SVOP: variants seen among roughly 807,000 people sequenced by gnomAD.
SVOP encodes the protein synaptic vesicle 2-related protein.
SVOP carries 17 observed loss-of-function variants against 69.1 expected under a neutral mutation model. The observed-to-expected ratio is 0.25, with a 90% CI of 0.17 to 0.37. SVOP has a LOEUF of 0.37. Among genes scored for constraint, SVOP ranks in the 10% least tolerant of loss-of-function variants. The pLI is 1.00. For synonymous variants in SVOP, 238 were observed against 238.6 expected (o/e 1.00, Z 0.02); for missense variants, 435 against 597.5 (o/e 0.73, Z 2.84).
chr12:108,925,057 C>G (rs4964284), intron 11 of SVOP, among the ~76,000 whole-genome samples: 42,844 of 151,752 alleles, frequency 0.28, 7,249 homozygotes, highest in Admixed American at 0.49. Flanking sequence ...ATCTCTAAGT[C>G]CACCTGTAAG....
At chr12:108,958,364 T>G (rs1593190940) in intron 6 of SVOP, among the ~76,000 whole-genome samples, 1 of 152,082 alleles carries the variant, frequency 6.6e-6, no homozygotes, top group East Asian at 1.9e-4. Flanking sequence ...CTAAATGTGT[T>G]TAGAGATGCA....
At chr12:108,917,100 G>A (rs1194270689) in intron 14 of SVOP, among the ~76,000 whole-genome samples, 1 of 152,152 alleles carries the variant, frequency 6.6e-6, no homozygotes, top group South Asian at 2.1e-4. Context: ...TCCACTCTGG[G>A]GGTTCCCTGT....
In SVOP at chr12:108,910,521, C is replaced by T. The variant is rs2039675570; in HGVS notation, c.*2014G>A. 3 of 152,216 alleles carry T rather than the reference C, an allele frequency of 2.0e-5. No homozygotes were observed. Among genetic ancestry groups the T allele is most frequent in the Admixed American group, 6.5e-5 (1 of 15,278 alleles). The allele number at this position is 152,216 out of a possible 1,614,324, so 9.4% of individuals were successfully genotyped here. A position where few individuals can be genotyped will look rare whatever the true frequency, so the allele number is the denominator to read the frequency against. On this transcript the variant is annotated 3_prime_UTR_variant, in exon 16 of 16. Transcript: ENST00000610966. ...AGAAATAATTAGAGCTACAGCCACA[C>T]GTGGTTCAAGGAAATGTGGTTGTCA...
chr12:108,960,907 C>A lies in SVOP; in HGVS notation c.578+16G>T. 6.5e-7 allele frequency: 1 copy of A among 1,536,500 alleles called. No homozygotes were observed. The highest frequency in any genetic ancestry group is 8.7e-7 in the Non-Finnish European group (1 of 1,146,470). On this transcript the variant is annotated intron_variant, in intron 6 of 15. Transcript: ENST00000610966. ...GGGCAGCCTGGCTGCATAGCCAGCA[C>A]TGGGTATTTACTTACGACTGGGGAA...
chr12:109,001,048 CA>C (rs912930819), intron 1 of SVOP, among the ~76,000 whole-genome samples: 4 of 150,414 alleles, frequency 2.7e-5, no homozygotes, highest in African/African-American at 4.9e-5. Context: ...GACATGATTG[CA>C]TATCTAGAAA....
rs751944734 is a variant in SVOP, at chr12:108,987,145, T to C, written c.36-3384A>G. Among the ~76,000 whole-genome samples the C allele has an allele frequency of 5.3e-5, 8 of 152,228 alleles. No homozygotes were observed. In the South Asian group the frequency reaches 1.7e-3, roughly 32 times the overall value. On this transcript the variant is annotated intron_variant, in intron 1 of 15. Transcript: ENST00000610966. ...CTGACGAGCACCAATCTACTTTCTG[T>C]CTCTATGAATTTGACTCCTCTAGGG...
At chr12:108,959,680 C>A (rs1024428686) in intron 6 of SVOP, among the ~76,000 whole-genome samples, 1 of 152,116 alleles carries the variant, frequency 6.6e-6, no homozygotes, top group African/African-American at 2.4e-5. Context: ...TCTCATCCCT[C>A]CAAGCTGACC....
chr12:109,004,810 T>C (rs2040295800), intron 1 of SVOP, among the ~76,000 whole-genome samples: 2 of 152,212 alleles, frequency 1.3e-5, no homozygotes, highest in Admixed American at 1.3e-4. Context: ...CAATTTTGGC[T>C]CACTGCAACC....
chr12:108,921,736 G>A (rs528218247), intron 12 of SVOP, among the ~76,000 whole-genome samples: 33 of 152,266 alleles, frequency 2.2e-4, no homozygotes, highest in African/African-American at 7.7e-4. Flanking sequence ...ATAGTCTTCA[G>A]GCACAGAATC....
intron 1 of SVOP, among the ~76,000 whole-genome samples, chr12:109,014,913 G>A (rs1030502469): frequency 3.9e-5 from 6 of 152,008 alleles, no homozygotes; most frequent in Admixed American, 1.3e-4. Flanking sequence ...TGGTAGAGAC[G>A]GGGTCTTGCT....
Position 109,003,004 on chromosome 12 carries a change from A to AAT in SVOP, c.35+17829_35+17830insAT, listed in dbSNP as rs1400142173. ...AAATAAATAAATAAATAAATAAATA[A>AAT]AAATAAAAATAAAAAAACAAGAAAT... is the stretch of plus-strand genomic sequence containing the variant. On this transcript the variant is annotated intron_variant, in intron 1 of 15. Transcript: ENST00000610966. Among the ~76,000 whole-genome samples the AAT allele has an allele frequency of 6.3e-3, 82 of 13,076 alleles. No individual in the cohort carries two copies. The East Asian group carries it at 0.35, about 56-fold the overall frequency. 8.6% of individuals were successfully genotyped at this position (13,076 alleles called of 152,430 possible). A position where few individuals can be genotyped will look rare whatever the true frequency, so the allele number is the denominator to read the frequency against.
intron 14 of SVOP, 117 bp downstream of exon 14, chr12:108,917,926 A>G: frequency 3.8e-6 from 3 of 794,482 alleles, no homozygotes; most frequent in Non-Finnish European, 5.7e-6. Context: ...GATTATAGGC[A>G]TGAGCTACCG....
intron 1 of SVOP, among the ~76,000 whole-genome samples, chr12:108,997,600 G>A (rs1409856960): frequency 2.0e-5 from 3 of 151,916 alleles, no homozygotes; most frequent in Non-Finnish European, 4.4e-5. Flanking sequence ...CTCCCAGCAC[G>A]CAGCTGGAGA....
chr12:108,977,649 C>T (rs995710783), intron 3 of SVOP, among the ~76,000 whole-genome samples, 153 bp from the exon 4 acceptor site: 35 of 152,270 alleles, frequency 2.3e-4, no homozygotes, highest in Admixed American at 6.5e-4. Context: ...ACTCAAAGCT[C>T]CAGCAGTTAA....
At position 108,945,080 on chromosome 12, in the gene SVOP, AC is replaced by A. The variant is rs946175826; in HGVS notation, c.642+22del. ...CTGCCGGAATCCACATGCTCTAGAGACCCAGGCCGCTCTCCTCCTTACCTCA... is the reference window on the plus strand; with the variant it reads ...CTGCCGGAATCCACATGCTCTAGAGACCAGGCCGCTCTCCTCCTTACCTCA... On this transcript the variant is annotated intron_variant, in intron 7 of 15. Transcript: ENST00000610966. 10 of 1,536,430 alleles carry A rather than the reference AC, an allele frequency of 6.5e-6. No homozygotes were observed. The African/African-American group carries it at 1.2e-4, about 19-fold the overall frequency.
intron 11 of SVOP, among the ~76,000 whole-genome samples, chr12:108,932,007 A>AT (rs1288932171): frequency 1.3e-5 from 2 of 151,852 alleles, no homozygotes; most frequent in Admixed American, 1.3e-4. Context: ...TGATAATTTT[A>AT]TTTTTTTATT....
intron 1 of SVOP, among the ~76,000 whole-genome samples, chr12:108,988,571 C>A (rs566139236): frequency 1.3e-5 from 2 of 152,228 alleles, no homozygotes; most frequent in East Asian, 3.9e-4. Flanking sequence ...GCTCTTGATT[C>A]TATTCCATTG....
chr12:108,915,690 G>A lies in SVOP; in HGVS notation c.1440+93C>T, dbSNP rs762752789. 4.2e-5 allele frequency: 55 copies of A among 1,324,718 alleles called. No homozygotes were observed. The Admixed American group carries it at 7.3e-4, about 18-fold the overall frequency. The allele number at this position is 1,324,718 out of a possible 1,614,324, so 82.1% of individuals were successfully genotyped here. On this transcript the variant is annotated intron_variant, in intron 15 of 15. Coordinates refer to ENST00000610966, the MANE Select transcript of SVOP (RefSeq NM_018711.5). Reference sequence around the variant, plus strand: ...ATGATAAAATGAGCGAATGCAACCCGAGGGCTCTGGGGACAGTCGGCATGT... The same window carrying A: ...ATGATAAAATGAGCGAATGCAACCCAAGGGCTCTGGGGACAGTCGGCATGT...
At chr12:108,914,247 T>C (rs2039701094) in intron 15 of SVOP, among the ~76,000 whole-genome samples, 1 of 152,172 alleles carries the variant, frequency 6.6e-6, no homozygotes, top group African/African-American at 2.4e-5. Context: ...GGGTTTATTT[T>C]GGGGTGATGA....
Sources: allele counts gnomAD v4.1 joint callset (sites outside exome capture counted in the v4.1 genomes callset), GRCh38; gene constraint gnomAD v4.1.1; transcripts MANE v1.5; gene names NCBI Gene and HGNC (gene_info 2026-07-23, HGNC 2026-07-21).